Variants in PAPPA observed in about 807,000 individuals in gnomAD.
The protein encoded by PAPPA is pappalysin-1.
A neutral mutation model predicts 164.0 loss-of-function variants in PAPPA; 60 were observed. That is an observed-to-expected ratio of 0.37 (90% confidence interval 0.30 to 0.45). The LOEUF is 0.45. Ranked by LOEUF, PAPPA falls within the 20% of genes least tolerant of loss-of-function variation. The probability of loss-of-function intolerance (pLI) is 1.00; values close to 1 mark genes in which losing one functional copy is unlikely to be tolerated. For synonymous variants in PAPPA, 875 were observed against 814.1 expected, an observed-to-expected ratio of 1.07 and a Z score of -1.27; for missense variants, 1,782 against 2,087.3, an observed-to-expected ratio of 0.85 and a Z score of 2.85.
intron 6 of PAPPA, among the ~76,000 whole-genome samples, chr9:116,232,973 C>T (rs1844616945): frequency 6.6e-6 from 1 of 152,186 alleles, no homozygotes; most frequent in African/African-American, 2.4e-5. Context: ...CAGTCATTTT[C>T]TCCAAGGAAG....
chr9:116,160,097 T>C (rs961869336), intron 1 of PAPPA, among the ~76,000 whole-genome samples: 2 of 152,204 alleles, frequency 1.3e-5, no homozygotes, highest in African/African-American at 4.8e-5. Context: ...TCAGGTAATG[T>C]TGAAGGACCA....
At chr9:116,339,896 C>T (rs1160262708) in intron 13 of PAPPA, among the ~76,000 whole-genome samples, 1 of 152,074 alleles carries the variant, frequency 6.6e-6, no homozygotes, top group African/African-American at 2.4e-5. Context: ...GGGGGATTGG[C>T]TATTGGATCA....
intron 21 of PAPPA, among the ~76,000 whole-genome samples, chr9:116,395,166 T>C (rs536653080): frequency 3.8e-4 from 58 of 152,290 alleles, no homozygotes; most frequent in Admixed American, 9.1e-4. Flanking sequence ...TCAGAGAAAT[T>C]GTCACATGTT....
chr9:116,186,394 G>A (rs755150603), intron 1 of PAPPA, among the ~76,000 whole-genome samples: 6 of 152,008 alleles, frequency 3.9e-5, no homozygotes, highest in Non-Finnish European at 8.8e-5. Context: ...CCATTCTCTG[G>A]GACTCAGCTC....
At chr9:116,340,729 G>T (rs1441023789) in intron 13 of PAPPA, among the ~76,000 whole-genome samples, 1 of 152,146 alleles carries the variant, frequency 6.6e-6, no homozygotes, top group Non-Finnish European at 1.5e-5. Context: ...TGTTATCAGA[G>T]TTTAAAAAAC....
In PAPPA at chr9:116,176,992, G is replaced by A. The variant is rs73525811; in HGVS notation, c.416-10162G>A. 4.2e-3 allele frequency among the ~76,000 whole-genome samples: 627 copies of A among 147,560 alleles called. 4 individuals are homozygous for A. The highest frequency in any genetic ancestry group is 0.015 in the African/African-American group (592 of 39,914). On this transcript the variant is annotated intron_variant, in intron 1 of 21. Transcript: ENST00000328252. The stretch of plus-strand genomic sequence containing the variant: ...CCCCCCCCCCAATATTTTTATTAGT[G>A]ACATTAAATTGACATGTCCATGTGG...
intron 13 of PAPPA, among the ~76,000 whole-genome samples, chr9:116,339,846 T>C (rs1308836725): frequency 6.6e-6 from 1 of 152,216 alleles, no homozygotes; most frequent in African/African-American, 2.4e-5. Context: ...CTGTTATGTG[T>C]GACTGGAATC....
rs143062032 is a variant in PAPPA at position 116,293,306 on chromosome 9, C to A, written c.2954-9451C>A. On this transcript the variant is annotated intron_variant, in intron 9 of 21. Coordinates refer to ENST00000328252, the MANE Select transcript of PAPPA (RefSeq NM_002581.5). Reference sequence around the variant, plus strand: ...ACTTTGAATTTTTCAAGAATTTTTACATTTTTAAATCTTTAGATGGGCTAT... The same window carrying A: ...ACTTTGAATTTTTCAAGAATTTTTAAATTTTTAAATCTTTAGATGGGCTAT... Among the ~76,000 whole-genome samples the A allele has an allele frequency of 3.2e-3, 489 of 152,308 alleles. 6 individuals are homozygous for A. Among genetic ancestry groups the A allele is most frequent in the Middle Eastern group, 0.01 (3 of 294 alleles).
chr9:116,335,173 C>A, intron 13 of PAPPA, 99 bp downstream of exon 13: 1 of 955,298 alleles, frequency 1.0e-6, no homozygotes, highest in South Asian at 1.5e-5. Context: ...TGTAAAAAGT[C>A]TGTGCATTTC....
intron 10 of PAPPA, among the ~76,000 whole-genome samples, chr9:116,315,914 T>C (rs550375071): frequency 6.6e-6 from 1 of 152,302 alleles, no homozygotes; most frequent in African/African-American, 2.4e-5. Flanking sequence ...GTCAGAGTGA[T>C]TACATTATGT....
chr9:116,175,593 T>C (rs983484977), intron 1 of PAPPA, among the ~76,000 whole-genome samples: 121 of 152,332 alleles, frequency 7.9e-4, no homozygotes, highest in African/African-American at 2.8e-3. Context: ...CAAATTAGGT[T>C]TCCTCACAAG....
intron 3 of PAPPA, among the ~76,000 whole-genome samples, chr9:116,208,407 C>G (rs1844264529): frequency 6.6e-6 from 1 of 152,072 alleles, no homozygotes; most frequent in Admixed American, 6.6e-5. Context: ...TTATCCTTAA[C>G]TTCCCACCCA....
intron 6 of PAPPA, among the ~76,000 whole-genome samples, chr9:116,232,633 C>T (rs1054399864): frequency 6.6e-6 from 1 of 152,146 alleles, no homozygotes; most frequent in Non-Finnish European, 1.5e-5. Context: ...AGACCTGAGG[C>T]GTGTAATGTG....
At chr9:116,285,061 A>C (rs1261419515) in intron 9 of PAPPA, among the ~76,000 whole-genome samples, 2 of 152,040 alleles carry the variant, frequency 1.3e-5, no homozygotes, top group East Asian at 3.9e-4. Context: ...CCCTTGAGAT[A>C]AATTTAAATT....
Position 116,154,083 on chromosome 9 carries a change from G to A in PAPPA, c.-90G>A. ...GGGCTCGCCCAAGAAGGGTGAAGAA[G>A]CGAAGAAAGTCGAGGCGCCGAGGCT... On this transcript the variant is annotated 5_prime_UTR_variant, in exon 1 of 22. Transcript: ENST00000328252. This position sits in a 1 kb window ranked among gnomAD's most constrained non-coding sequence, Gnocchi z 5.2. 1.7e-6 allele frequency: 2 copies of A among 1,158,188 alleles called. No homozygotes were observed. Among genetic ancestry groups the A allele is most frequent in the Non-Finnish European group, 2.1e-6 (2 of 930,560 alleles). The allele number at this position is 1,158,188 out of a possible 1,614,324, so 71.7% of individuals were successfully genotyped here. A position where few individuals can be genotyped will look rare whatever the true frequency, so the allele number is the denominator to read the frequency against.
chr9:116,158,136 C>T (rs2118970127), intron 1 of PAPPA, among the ~76,000 whole-genome samples: 1 of 152,280 alleles, frequency 6.6e-6, no homozygotes, highest in South Asian at 2.1e-4. Flanking sequence ...TCCAGCACCT[C>T]TGCTTGCCAG....
chr9:116,332,349 C>A lies in PAPPA; in HGVS notation c.3278C>A (p.Pro1093Gln). The change falls in exon 12 of 22, where the codon CCA (proline) becomes CAA (glutamine). Residue 1093 changes from proline to glutamine, a missense_variant. Around this residue, in one of 2 missense-constraint regions of PAPPA, gnomAD observed 1,324 missense variants for 1,656.9 expected, o/e 0.80. Coordinates refer to ENST00000328252, the MANE Select transcript of PAPPA (RefSeq NM_002581.5). ...CAATTTCAGGCGTATTTTTCTCAAC[C>A]AATGGTTGCCGCAGCTGTCATTGTC... Reference protein sequence around the residue: ...TFWLRAYFSQPMVAAAVIVHL... With the variant: ...TFWLRAYFSQQMVAAAVIVHL... The A allele has an allele frequency of 6.2e-7, 1 of 1,613,568 alleles. No homozygotes were observed. Among genetic ancestry groups the A allele is most frequent in the South Asian group, 1.1e-5 (1 of 91,048 alleles).
chr9:116,381,552 G>A (rs1588028844), intron 20 of PAPPA, among the ~76,000 whole-genome samples: 2 of 152,196 alleles, frequency 1.3e-5, no homozygotes, highest in East Asian at 3.9e-4. Context: ...GATAAATAAT[G>A]GCTTGACTCT....
At chr9:116,327,595 A>G (rs956735524) in intron 10 of PAPPA, among the ~76,000 whole-genome samples, 2 of 152,110 alleles carry the variant, frequency 1.3e-5, no homozygotes, top group Admixed American at 1.3e-4. Flanking sequence ...GGTGAAAAAA[A>G]AAAACACAGG....
Sources: gnomAD v4.1 joint callset for allele counts (sites outside exome capture counted in the v4.1 genomes callset) on GRCh38, gnomAD v4.1.1 for gene constraint, gnomAD v4.1.1 regional missense constraint, Gnocchi (gnomAD v3.1) non-coding constraint, MANE v1.5 for transcripts, NCBI Gene and HGNC (gene_info 2026-07-23, HGNC 2026-07-21) for gene names.